RBM45: variants seen among roughly 807,000 people sequenced by gnomAD.
RBM45 encodes RNA-binding protein 45.
In RBM45, 39 loss-of-function variants were observed where a neutral mutation model predicts 58.5. The observed-to-expected ratio is 0.67, with a 90% CI of 0.52 to 0.87. The LOEUF is 0.87. Among genes scored for constraint, RBM45 ranks in the 40% least tolerant of loss-of-function variants. RBM45 has a pLI of 0.00. For synonymous variants in RBM45, 193 were observed against 203.0 expected, an observed-to-expected ratio of 0.95 and a Z score of 0.42; for missense variants, 481 against 581.6, an observed-to-expected ratio of 0.83 and a Z score of 1.78.
intron 3 of RBM45, among the ~76,000 whole-genome samples, chr2:178,135,717 T>C (rs2088040187): frequency 6.6e-6 from 1 of 152,156 alleles, no homozygotes; most frequent in Non-Finnish European, 1.5e-5. Context: ...CAAAAATGAG[T>C]TTCATATGTG....
Position 178,112,850 on chromosome 2 carries a change from C to T in RBM45, c.300+4C>T, listed in dbSNP as rs745701991. 2.8e-5 allele frequency: 44 copies of T among 1,599,356 alleles called. No homozygotes were observed. Among genetic ancestry groups the T allele is most frequent in the Admixed American group, 1.5e-4 (9 of 59,736 alleles). ...CAACGACACCAAGCCCATCAAGGTG[C>T]GGGTGCCCGGGTCGGGGTGCCCTCG... On this transcript the variant is annotated splice_donor_region_variant and intron_variant, in intron 1 of 9. Coordinates refer to ENST00000286070, the MANE Select transcript of RBM45 (RefSeq NM_152945.4).
intron 3 of RBM45, 29 bp downstream of exon 3, chr2:178,118,210 C>G (rs1330377128): frequency 6.4e-7 from 1 of 1,564,038 alleles, no homozygotes; most frequent in Non-Finnish European, 8.7e-7. Flanking sequence ...TTGTTAAAAA[C>G]TTTTGTAAAA....
chr2:178,117,972 A>T, intron 2 of RBM45, 83 bp from the exon 3 acceptor site: 1 of 1,114,722 alleles, frequency 9.0e-7, no homozygotes, highest in South Asian at 2.7e-5. Context: ...TGCAAGGGTC[A>T]CATATAAACA....
downstream of RBM45, among the ~76,000 whole-genome samples, chr2:178,131,931 T>C (rs138687600): frequency 0.017 from 2,641 of 152,320 alleles, 39 homozygotes; most frequent in Non-Finnish European, 0.025. Flanking sequence ...GTTTATGTCT[T>C]CACCTTAATG....
At position 178,122,456 on chromosome 2, in the gene RBM45, G is replaced by T. The variant is rs149383734; in HGVS notation, c.854-1066G>T. Among the ~76,000 whole-genome samples, 81 of 152,240 alleles carry T rather than the reference G, an allele frequency of 5.3e-4. No homozygotes were observed. In the East Asian group the frequency reaches 9.8e-3, roughly 18 times the overall value. On this transcript the variant is annotated intron_variant, in intron 5 of 9. Transcript: ENST00000286070. Reference sequence around the variant, plus strand: ...CTCACTAGTACCCAACCCAGCACTAGTCTTTTTGTAGAACTGTCTTTGAGC... The same window carrying T: ...CTCACTAGTACCCAACCCAGCACTATTCTTTTTGTAGAACTGTCTTTGAGC...
intron 2 of RBM45, among the ~76,000 whole-genome samples, chr2:178,117,101 A>G (rs1454606171): frequency 6.6e-6 from 1 of 152,132 alleles, no homozygotes; most frequent in Non-Finnish European, 1.5e-5. Context: ...GTAGTTTTTT[A>G]TCTTTTTTCT....
At chr2:178,119,572 A>G (rs1283313803) in intron 3 of RBM45, among the ~76,000 whole-genome samples, 1 of 152,270 alleles carries the variant, frequency 6.6e-6, no homozygotes. Flanking sequence ...TTAGAAAGAC[A>G]AAAGTAAGAA....
rs2087720636 is a variant in RBM45, at chr2:178,112,746, G to A, written c.200G>A (p.Gly67Asp). 3.1e-6 allele frequency: 5 copies of A among 1,614,098 alleles called. No individual in the cohort carries two copies. Among genetic ancestry groups the A allele is most frequent in the Non-Finnish European group, 4.2e-6 (5 of 1,180,046 alleles). The change falls in exon 1 of 10, where the codon GGC becomes GAC. Residue 67 changes from glycine (G) to aspartate (D), a missense_variant. Coordinates refer to ENST00000286070, the MANE Select transcript of RBM45 (RefSeq NM_152945.4). Reference sequence around the variant, plus strand: ...GACAAGCACACCAAGGAGTCCAAGGGCATTGCTTTCGTCAAGTTCGCCCGC... The same window carrying A: ...GACAAGCACACCAAGGAGTCCAAGGACATTGCTTTCGTCAAGTTCGCCCGC... ...VRDKHTKESKGIAFVKFARSS... is the reference protein window; with the variant it reads ...VRDKHTKESKDIAFVKFARSS...
At chr2:178,138,648 G>T (rs1450892565) in exon 4 of RBM45, 1 of 151,912 alleles carries the variant, frequency 6.6e-6, no homozygotes, top group African/African-American at 2.4e-5. Flanking sequence ...CTCCCAAAAT[G>T]AATCAAAATT....
intron 3 of RBM45, among the ~76,000 whole-genome samples, chr2:178,136,146 T>C (rs2088043065): frequency 6.6e-6 from 1 of 152,016 alleles, no homozygotes; most frequent in Non-Finnish European, 1.5e-5. Context: ...CCTTCTGTAC[T>C]AAAAATACAA....
intron 9 of RBM45, among the ~76,000 whole-genome samples, chr2:178,128,112 C>T (rs770804162): frequency 1.3e-5 from 2 of 148,844 alleles, no homozygotes; most frequent in Admixed American, 1.4e-4. Context: ...CTCAAGCAGT[C>T]CTCACAGCTC....
At chr2:178,120,570 A>T (rs930134278) in intron 4 of RBM45, among the ~76,000 whole-genome samples, 161 bp downstream of exon 4, 1 of 152,138 alleles carries the variant, frequency 6.6e-6, no homozygotes, top group Admixed American at 6.6e-5. Context: ...ATGACTCCTA[A>T]AGTTCTTAAT....
At chr2:178,127,236 T>G (rs896881348) in intron 9 of RBM45, among the ~76,000 whole-genome samples, 3 of 152,202 alleles carry the variant, frequency 2.0e-5, no homozygotes, top group African/African-American at 7.2e-5. Context: ...AGTTTGGCGG[T>G]TTTTATTCTG....
chr2:178,138,646 A>G (rs748554108), exon 4 of RBM45: 4 of 152,174 alleles, frequency 2.6e-5, no homozygotes, highest in Non-Finnish European at 5.9e-5. Context: ...CACTCCCAAA[A>G]TGAATCAAAA....
downstream of RBM45, among the ~76,000 whole-genome samples, chr2:178,130,872 T>A (rs334059): frequency 0.025 from 3,809 of 152,290 alleles, 155 homozygotes; most frequent in African/African-American, 0.087. Context: ...AAAAGAAAAT[T>A]TAGTTGTGCC....
chr2:178,134,184 G>T (rs989834145), downstream of RBM45, among the ~76,000 whole-genome samples: 5 of 152,132 alleles, frequency 3.3e-5, no homozygotes, highest in Non-Finnish European at 7.4e-5. Context: ...CTATACCACC[G>T]TGGGACTCTT....
intron 6 of RBM45, 49 bp downstream of exon 6, chr2:178,123,700 A>C (rs1351784349): frequency 6.3e-7 from 1 of 1,588,374 alleles, no homozygotes; most frequent in Non-Finnish European, 8.6e-7. Flanking sequence ...AGTGTACATG[A>C]TTGATAGGAC....
chr2:178,124,775 C>T (rs1267582406), intron 8 of RBM45, among the ~76,000 whole-genome samples: 2 of 152,198 alleles, frequency 1.3e-5, no homozygotes, highest in African/African-American at 4.8e-5. Flanking sequence ...GATTGTGCTA[C>T]TGTACTCCAG....
At chr2:178,117,008 TTA>T (rs2087785552) in intron 2 of RBM45, among the ~76,000 whole-genome samples, 1 of 152,204 alleles carries the variant, frequency 6.6e-6, no homozygotes, top group Admixed American at 6.5e-5. Flanking sequence ...GAGGATAATT[TTA>T]TGTCTTTTTA....
Sources: allele counts gnomAD v4.1 joint callset (sites outside exome capture counted in the v4.1 genomes callset), GRCh38; gene constraint gnomAD v4.1.1; transcripts MANE v1.5; gene names NCBI Gene and HGNC (gene_info 2026-07-23, HGNC 2026-07-21).